The following CDKL1 variants were observed in gnomAD, a reference collection of about 807,000 sequenced individuals.
The protein encoded by CDKL1 is cyclin dependent kinase like 1.
In CDKL1, 41 loss-of-function variants were observed where a neutral mutation model predicts 42.0. That is an observed-to-expected ratio of 0.98 (90% CI 0.76 to 1.27). CDKL1 has a LOEUF of 1.27. Ranked by LOEUF, CDKL1 falls within the 50% of genes most tolerant of loss-of-function variation. The probability of loss-of-function intolerance (pLI) is 0.00; values close to 1 mark genes in which losing one functional copy is unlikely to be tolerated. For synonymous variants in CDKL1, 153 were observed against 158.6 expected (o/e 0.96, Z 0.26); for missense variants, 394 against 428.4 (o/e 0.92, Z 0.71).
At chr14:50,365,533 C>T (rs867025400) in intron 2 of CDKL1, among the ~76,000 whole-genome samples, 3 of 151,980 alleles carry the variant, frequency 2.0e-5, no homozygotes, top group Admixed American at 1.3e-4. Context: ...CCAGGTGACC[C>T]GAAAATACTC....
intron 2 of CDKL1, among the ~76,000 whole-genome samples, chr14:50,394,071 G>C (rs1434871747): frequency 6.6e-6 from 1 of 152,202 alleles, no homozygotes; most frequent in African/African-American, 2.4e-5. Context: ...ATGTAGTATT[G>C]ATAAAGTGTA....
At chr14:50,396,647 G>A (rs1311289921) in intron 1 of CDKL1, 177 bp downstream of exon 1, 2 of 199,542 alleles carry the variant, frequency 1.0e-5, no homozygotes, top group South Asian at 3.5e-4. Flanking sequence ...GGCTCCCCGC[G>A]GAGGCGGCGG....
At chr14:50,358,966 C>T in intron 3 of CDKL1, 62 bp downstream of exon 3, 1 of 1,542,914 alleles carries the variant, frequency 6.5e-7, no homozygotes, top group Non-Finnish European at 8.9e-7. Context: ...AGAGTCATTG[C>T]CACTTTTCGC....
chr14:50,340,464 C>G (rs1480995568), intron 6 of CDKL1, among the ~76,000 whole-genome samples: 1 of 151,686 alleles, frequency 6.6e-6, no homozygotes, highest in Non-Finnish European at 1.5e-5. Flanking sequence ...GTTTTTTTTT[C>G]TCATCTTCCC....
intron 2 of CDKL1, among the ~76,000 whole-genome samples, chr14:50,381,219 A>G (rs2034897824): frequency 6.6e-6 from 1 of 152,190 alleles, no homozygotes; most frequent in South Asian, 2.1e-4. Context: ...AGTTGTGTAC[A>G]TGTGTCCAGT....
At chr14:50,384,505 G>A (rs1470080665) in intron 2 of CDKL1, among the ~76,000 whole-genome samples, 2 of 152,130 alleles carry the variant, frequency 1.3e-5, no homozygotes, top group African/African-American at 4.8e-5. Context: ...AAGAAGGATG[G>A]ACATCTGTCA....
chr14:50,359,793 A>G (rs1478463634), intron 2 of CDKL1, among the ~76,000 whole-genome samples: 1 of 109,938 alleles, frequency 9.1e-6, no homozygotes, highest in African/African-American at 4.1e-5. Context: ...ATGTGTGTCT[A>G]GATTAAAAAA....
intron 4 of CDKL1, 138 bp from the exon 5 acceptor site, chr14:50,342,360 G>T: frequency 6.9e-7 from 1 of 1,452,200 alleles, no homozygotes. Context: ...CAAAAGAGCA[G>T]CCTAAAATAA....
chr14:50,371,944 C>T (rs538545562), intron 2 of CDKL1, among the ~76,000 whole-genome samples: 7 of 152,328 alleles, frequency 4.6e-5, no homozygotes, highest in Non-Finnish European at 8.8e-5. Flanking sequence ...TGCGCATGCT[C>T]AGGGACATGC....
At chr14:50,350,130 T>G (rs1477492064) in intron 3 of CDKL1, among the ~76,000 whole-genome samples, 2 of 152,032 alleles carry the variant, frequency 1.3e-5, no homozygotes, top group Non-Finnish European at 2.9e-5. Flanking sequence ...AGGCTGGTCA[T>G]GAACTCCTGG....
At chr14:50,347,201 T>C (rs1327750862) in intron 3 of CDKL1, among the ~76,000 whole-genome samples, 4 of 152,200 alleles carry the variant, frequency 2.6e-5, no homozygotes, top group Non-Finnish European at 5.9e-5. Flanking sequence ...TTCTTTTCTG[T>C]AATGCAGAGG....
chr14:50,377,429 C>T (rs1277789669), intron 2 of CDKL1: 6 of 335,040 alleles, frequency 1.8e-5, no homozygotes, highest in Non-Finnish European at 2.8e-5. Flanking sequence ...TGTTTTCTCC[C>T]CTGTCACCTA....
chr14:50,354,833 C>G (rs1282345475), intron 3 of CDKL1, among the ~76,000 whole-genome samples: 3 of 151,898 alleles, frequency 2.0e-5, no homozygotes, highest in African/African-American at 7.3e-5. Context: ...ATTTCAGGTT[C>G]AAATGAGAAG....
intron 4 of CDKL1, chr14:50,343,137 C>A: frequency 3.9e-5 from 27 of 686,572 alleles, no homozygotes; most frequent in South Asian, 5.7e-5. Flanking sequence ...AACAAATCAA[C>A]AACCTAATTA....
intron 2 of CDKL1, among the ~76,000 whole-genome samples, chr14:50,372,541 TA>T (rs2034619846): frequency 6.6e-6 from 1 of 152,256 alleles, no homozygotes; most frequent in Non-Finnish European, 1.5e-5. Flanking sequence ...AGAAACTTTT[TA>T]GTTTCATGTA....
intron 7 of CDKL1, chr14:50,335,415 C>A: frequency 7.3e-7 from 1 of 1,378,220 alleles, no homozygotes; most frequent in African/African-American, 1.5e-5. Context: ...CTGGAATAAA[C>A]ACTGTTGTCT....
chr14:50,357,147 C>T (rs978145058), intron 3 of CDKL1: 1 of 152,186 alleles, frequency 6.6e-6, no homozygotes, highest in Non-Finnish European at 1.5e-5. Context: ...AATGTTTTCT[C>T]CTTTGAAAAC....
intron 2 of CDKL1, among the ~76,000 whole-genome samples, chr14:50,383,935 C>T (rs192440362): frequency 2.1e-4 from 32 of 152,300 alleles, no homozygotes; most frequent in East Asian, 3.8e-4. Flanking sequence ...GGAATATAAT[C>T]TTTCTAGATA....
At chr14:50,363,045 G>T (rs1246095288) in intron 2 of CDKL1, 6 of 432,568 alleles carry the variant, frequency 1.4e-5, no homozygotes, top group Non-Finnish European at 3.0e-5. Flanking sequence ...CCACTGGGAG[G>T]AAAGAACAAC....
Sources: gnomAD v4.1 joint callset for allele counts (sites outside exome capture counted in the v4.1 genomes callset) on GRCh38, gnomAD v4.1.1 for gene constraint, MANE v1.5 for transcripts, NCBI Gene and HGNC (gene_info 2026-07-23, HGNC 2026-07-21) for gene names.